Variants in AUTS2 observed in about 807,000 individuals in gnomAD.
AUTS2 encodes activator of transcription and developmental regulator AUTS2.
AUTS2 carries 17 observed loss-of-function variants against 112.4 expected under a neutral mutation model. That is an observed-to-expected ratio of 0.15 (90% CI 0.10 to 0.23). AUTS2 has a LOEUF of 0.23. Ranked by LOEUF, AUTS2 falls within the 10% of genes least tolerant of loss-of-function variation. AUTS2 has a pLI of 1.00. For missense variants in AUTS2, 1,510 were observed against 1,701.6 expected, an observed-to-expected ratio of 0.89 and a Z score of 1.98; for synonymous variants, 751 against 702.7, an observed-to-expected ratio of 1.07 and a Z score of -1.09.
At chr7:69,910,792 G>A (rs1016748126) in intron 2 of AUTS2, among the ~76,000 whole-genome samples, 2 of 151,844 alleles carry the variant, frequency 1.3e-5, no homozygotes, top group East Asian at 1.9e-4. Context: ...CACGCCCAGC[G>A]AATTTTTGTA....
At chr7:69,819,697 C>G (rs1325985576) in intron 1 of AUTS2, among the ~76,000 whole-genome samples, 2 of 152,160 alleles carry the variant, frequency 1.3e-5, no homozygotes, top group Non-Finnish European at 2.9e-5. Flanking sequence ...GGCTCACTTC[C>G]GCCTTGACGT....
At chr7:69,779,284 C>T (rs1420165091) in intron 1 of AUTS2, among the ~76,000 whole-genome samples, 1 of 152,072 alleles carries the variant, frequency 6.6e-6, no homozygotes, top group Non-Finnish European at 1.5e-5. Flanking sequence ...CACATAGTGT[C>T]TGTGCAGTGA....
chr7:70,034,022 T>A (rs145352825), intron 2 of AUTS2, among the ~76,000 whole-genome samples: 1 of 152,214 alleles, frequency 6.6e-6, no homozygotes, highest in African/African-American at 2.4e-5. Flanking sequence ...CTAATTATCC[T>A]GATTTGATCA....
intron 1 of AUTS2, among the ~76,000 whole-genome samples, chr7:69,636,857 C>T (rs1794566144): frequency 6.6e-6 from 1 of 152,086 alleles, no homozygotes; most frequent in Non-Finnish European, 1.5e-5. Flanking sequence ...GTTCCGCCTC[C>T]CAGGTTCACG....
At position 70,062,278 on chromosome 7, in the gene AUTS2, A is replaced by G. The variant is rs535567557; in HGVS notation, c.523-55854A>G. On this transcript the variant is annotated intron_variant, in intron 2 of 18. Coordinates refer to ENST00000342771, the MANE Select transcript of AUTS2 (RefSeq NM_015570.4). ...GTAATCCCAGCACTTTGGGAGGCCAAGGAGGGCGGATCACGAGGTCAAGAG... is the reference window on the plus strand; with the variant it reads ...GTAATCCCAGCACTTTGGGAGGCCAGGGAGGGCGGATCACGAGGTCAAGAG... Among the ~76,000 whole-genome samples the G allele has an allele frequency of 1.5e-3, 234 of 152,038 alleles. 1 individual carries two copies. The highest frequency in any genetic ancestry group is 4.7e-3 in the African/African-American group (195 of 41,528).
Position 70,585,356 on chromosome 7 carries a change from C to G in AUTS2, c.691-113213C>G, listed in dbSNP as rs80200761. ...CGCTCAGAGCACTTTACAACACAGGCCTGAAACAGAGCAGCATCAGGAGGG... is the reference window on the plus strand; with the variant it reads ...CGCTCAGAGCACTTTACAACACAGGGCTGAAACAGAGCAGCATCAGGAGGG... On this transcript the variant is annotated intron_variant, in intron 5 of 18. Coordinates refer to ENST00000342771, the MANE Select transcript of AUTS2 (RefSeq NM_015570.4). Among the ~76,000 whole-genome samples, 3 of 152,286 alleles carry G rather than the reference C, an allele frequency of 2.0e-5. No homozygotes were observed. In the East Asian group the frequency reaches 5.8e-4, roughly 29 times the overall value.
Position 70,194,083 on chromosome 7 carries a change from G to A in AUTS2, c.660+59512G>A, listed in dbSNP as rs749512798. On this transcript the variant is annotated intron_variant, in intron 4 of 18. Coordinates refer to ENST00000342771, the MANE Select transcript of AUTS2 (RefSeq NM_015570.4). Reference sequence around the variant, plus strand: ...ATCTCTTGGATCTGGAAAGTGCTGCGTGTTAGTTTATAACTGGGCAAATGT... The same window carrying A: ...ATCTCTTGGATCTGGAAAGTGCTGCATGTTAGTTTATAACTGGGCAAATGT... 3.3e-5 allele frequency among the ~76,000 whole-genome samples: 5 copies of A among 152,150 alleles called. No homozygotes were observed. In the South Asian group the frequency reaches 6.2e-4, roughly 19 times the overall value.
At chr7:69,893,713 G>A (rs1277591993) in intron 1 of AUTS2, among the ~76,000 whole-genome samples, 3 of 152,154 alleles carry the variant, frequency 2.0e-5, no homozygotes, top group Non-Finnish European at 4.4e-5. Context: ...ATCAGGCGGA[G>A]ACTTTCTATA....
intron 14 of AUTS2, chr7:70,781,364 CAAAA>C (rs756708435): frequency 2.1e-3 from 259 of 123,116 alleles, no homozygotes; most frequent in Middle Eastern, 8.9e-3. Flanking sequence ...GACTCCGTCA[CAAAA>C]AAAAAAAAAA....
At chr7:69,900,234 A>G (rs1794914971) in intron 2 of AUTS2, among the ~76,000 whole-genome samples, 1 of 152,240 alleles carries the variant, frequency 6.6e-6, no homozygotes, top group Non-Finnish European at 1.5e-5. Context: ...GCACAAATCC[A>G]GAGGCTTCAG....
Position 70,771,588 on chromosome 7 carries a change from C to A in AUTS2, c.1774C>A (p.Pro592Thr), listed in dbSNP as rs199756061. Residue 592 changes from proline to threonine, a missense_variant, in exon 11 of 19, where the codon CCT becomes ACT. By Grantham distance (38) the Pro-to-Thr change is conservative. This residue lies in a region of AUTS2 where 187 missense variants were observed against 309.7 expected (regional missense o/e 0.60). Coordinates refer to ENST00000342771, the MANE Select transcript of AUTS2 (RefSeq NM_015570.4). ...SYPPAVSGIP[P>T]MIPPTGPFGS... The stretch of plus-strand genomic sequence containing the variant: ...TCCTCCTGCAGTGTCGGGCATCCCC[C>A]CTATGATCCCACCCACTGGCCCTTT... The A allele has an allele frequency of 2.4e-5, 39 of 1,613,658 alleles. No homozygotes were observed. The highest frequency in any genetic ancestry group is 3.3e-5 in the South Asian group (3 of 91,008).
intron 2 of AUTS2, among the ~76,000 whole-genome samples, chr7:70,104,326 A>T (rs528379059): frequency 1.3e-5 from 2 of 152,276 alleles, no homozygotes; most frequent in South Asian, 4.1e-4. Context: ...TGTACATCAA[A>T]GCCATTGTAA....
intron 5 of AUTS2, among the ~76,000 whole-genome samples, chr7:70,609,959 T>TTGTTG (rs1563074483): frequency 4.0e-3 from 493 of 122,960 alleles, no homozygotes; most frequent in East Asian, 0.011. Flanking sequence ...AGTTCTGTTT[T>TTGTTG]TTGTTGTTGT....
intron 4 of AUTS2, among the ~76,000 whole-genome samples, chr7:70,424,782 T>C (rs1258731916): frequency 6.6e-6 from 1 of 152,152 alleles, no homozygotes; most frequent in Non-Finnish European, 1.5e-5. Context: ...GACAGGGGTC[T>C]CGCTATGTTG....
chr7:69,799,921 A>T lies in AUTS2; in HGVS notation c.310-99365A>T, dbSNP rs1208712431. 2.0e-5 allele frequency among the ~76,000 whole-genome samples: 3 copies of T among 152,248 alleles called. No homozygotes were observed. The East Asian group carries it at 5.8e-4, about 29-fold the overall frequency. On this transcript the variant is annotated intron_variant, in intron 1 of 18. Coordinates refer to ENST00000342771, the MANE Select transcript of AUTS2 (RefSeq NM_015570.4). Reference sequence around the variant, plus strand: ...CTGGGCAGTTCCTACTATCTAAAAAATTCCCTATAAATGACATTATTTTTC... The same window carrying T: ...CTGGGCAGTTCCTACTATCTAAAAATTTCCCTATAAATGACATTATTTTTC...
At chr7:70,327,059 A>G (rs952035854) in intron 4 of AUTS2, among the ~76,000 whole-genome samples, 1 of 151,758 alleles carries the variant, frequency 6.6e-6, no homozygotes, top group African/African-American at 2.4e-5. Context: ...CTGGGATTAC[A>G]GGTGCCTGCC....
At chr7:70,486,511 G>A (rs762422571) in intron 5 of AUTS2, among the ~76,000 whole-genome samples, 28 of 152,218 alleles carry the variant, frequency 1.8e-4, no homozygotes, top group Non-Finnish European at 3.2e-4. Context: ...TGAGGCGGGA[G>A]GATCACTTGA....
chr7:70,596,355 C>T (rs1017718999), intron 5 of AUTS2: 1 of 152,200 alleles, frequency 6.6e-6, no homozygotes, highest in Non-Finnish European at 1.5e-5. Flanking sequence ...CGGCAAGTTT[C>T]CCCGGCACCT....
In AUTS2 at chr7:69,887,291, C is replaced by T. The variant is rs374042459; in HGVS notation, c.310-11995C>T. Among the ~76,000 whole-genome samples, 20 of 151,858 alleles carry T rather than the reference C, an allele frequency of 1.3e-4. 1 individual carries two copies. The East Asian group carries it at 2.3e-3, about 18-fold the overall frequency. On this transcript the variant is annotated intron_variant, in intron 1 of 18. Coordinates refer to ENST00000342771, the MANE Select transcript of AUTS2 (RefSeq NM_015570.4). ...ATTAGCCGGGCATGGTGATGTATGC[C>T]TGTAATCCCAGCTACATGGGAGGCT...
Sources: allele counts gnomAD v4.1 joint callset (sites outside exome capture counted in the v4.1 genomes callset), GRCh38; gene constraint gnomAD v4.1.1; regional missense constraint gnomAD v4.1.1; transcripts MANE v1.5; gene names NCBI Gene and HGNC (gene_info 2026-07-23, HGNC 2026-07-21).